ESRRG: variants seen among roughly 807,000 people sequenced by gnomAD.
ESRRG encodes the protein estrogen related receptor gamma, also known as estrogen-related receptor gamma.
ESRRG carries 13 observed loss-of-function variants against 44.0 expected under a neutral mutation model. The ratio of observed to expected loss-of-function variants is 0.30; its 90% CI spans 0.19 to 0.47. ESRRG has a LOEUF of 0.47. Ranked by LOEUF, ESRRG falls within the 20% of genes least tolerant of loss-of-function variation. The pLI is 1.00. For missense variants in ESRRG, 395 were observed against 580.6 expected, an observed-to-expected ratio of 0.68 and a Z score of 3.29; for synonymous variants, 215 against 214.6, an observed-to-expected ratio of 1.00 and a Z score of -0.02.
At chr1:216,971,101 G>A (rs1192890583) in intron 1 of ESRRG, among the ~76,000 whole-genome samples, 1 of 152,114 alleles carries the variant, frequency 6.6e-6, no homozygotes, top group African/African-American at 2.4e-5. Context: ...ATAGTTATCT[G>A]CTCCATTATA....
At chr1:217,130,409 T>C (rs1312127293) in intron 1 of ESRRG, among the ~76,000 whole-genome samples, 1 of 152,148 alleles carries the variant, frequency 6.6e-6, no homozygotes, top group African/African-American at 2.4e-5. Flanking sequence ...ATTTTTCTTT[T>C]TCTTTTTTTA....
intron 1 of ESRRG, among the ~76,000 whole-genome samples, chr1:217,105,163 C>A (rs1377858432): frequency 1.3e-5 from 2 of 152,186 alleles, no homozygotes. Context: ...ATGTCATGAT[C>A]ACCCTTCCTT....
upstream of ESRRG, among the ~76,000 whole-genome samples, chr1:216,725,666 T>G (rs904422954): frequency 3.5e-4 from 53 of 152,122 alleles, no homozygotes; most frequent in African/African-American, 1.2e-3. Context: ...ATTAATAGAT[T>G]CAATTGCACA....
intron 2 of ESRRG, among the ~76,000 whole-genome samples, chr1:216,732,433 G>C (rs895492387): frequency 3.7e-4 from 55 of 150,674 alleles, no homozygotes; most frequent in Admixed American, 3.6e-3. Flanking sequence ...CTGGTGTGCA[G>C]TGGCACAATC....
chr1:216,762,256 G>A (rs1347162814), intron 2 of ESRRG, among the ~76,000 whole-genome samples: 6 of 151,854 alleles, frequency 4.0e-5, no homozygotes, highest in East Asian at 3.9e-4. Context: ...ACATGCACAC[G>A]TATGTTTATT....
chr1:216,798,976 A>T (rs2094544452), intron 2 of ESRRG, among the ~76,000 whole-genome samples: 1 of 152,126 alleles, frequency 6.6e-6, no homozygotes, highest in Non-Finnish European at 1.5e-5. Flanking sequence ...TCAGCTGGAG[A>T]ATCAATCCCC....
intron 2 of ESRRG, among the ~76,000 whole-genome samples, chr1:216,930,058 C>G (rs1267581593): frequency 6.6e-6 from 1 of 152,184 alleles, no homozygotes; most frequent in Non-Finnish European, 1.5e-5. Flanking sequence ...CACCACTGTC[C>G]TCACCTCATG....
intron 1 of ESRRG, among the ~76,000 whole-genome samples, chr1:217,062,121 C>T (rs1311208006): frequency 2.0e-5 from 3 of 152,026 alleles, no homozygotes; most frequent in African/African-American, 7.2e-5. Context: ...AATCTCAAGC[C>T]CAAGTTAAGT....
intron 1 of ESRRG, among the ~76,000 whole-genome samples, chr1:216,958,083 G>T (rs992081767): frequency 2.6e-5 from 4 of 152,140 alleles, no homozygotes; most frequent in African/African-American, 9.7e-5. Context: ...TAACATTTAT[G>T]AGATTCATCT....
chr1:216,797,357 C>T (rs1189715809), intron 2 of ESRRG, among the ~76,000 whole-genome samples: 1 of 152,152 alleles, frequency 6.6e-6, no homozygotes, highest in African/African-American at 2.4e-5. Context: ...TCATGTTACA[C>T]TGAGCTGCTG....
chr1:216,808,073 C>T (rs1055932744), intron 2 of ESRRG, among the ~76,000 whole-genome samples: 1 of 152,104 alleles, frequency 6.6e-6, no homozygotes, highest in Non-Finnish European at 1.5e-5. Context: ...ACTTAACCTC[C>T]GTTCCAGTGT....
At chr1:217,082,023 C>T (rs968948475) in intron 1 of ESRRG, among the ~76,000 whole-genome samples, 3 of 152,186 alleles carry the variant, frequency 2.0e-5, no homozygotes, top group Non-Finnish European at 2.9e-5. Flanking sequence ...TAAATATGCT[C>T]AAGCACTGGC....
At chr1:217,069,785 G>A (rs2090324120) in intron 1 of ESRRG, among the ~76,000 whole-genome samples, 1 of 152,142 alleles carries the variant, frequency 6.6e-6, no homozygotes, top group Admixed American at 6.5e-5. Context: ...ACACCATAGT[G>A]TCTGGTGGAC....
chr1:216,682,293 A>C (rs79679690), intron 1 of ESRRG, among the ~76,000 whole-genome samples: 2,094 of 152,314 alleles, frequency 0.014, 46 homozygotes, highest in African/African-American at 0.048. Flanking sequence ...TACTATATCT[A>C]TACCAATAGT....
chr1:216,840,128 C>T (rs1341392900), intron 2 of ESRRG, among the ~76,000 whole-genome samples: 4 of 152,172 alleles, frequency 2.6e-5, no homozygotes, highest in Non-Finnish European at 5.9e-5. Flanking sequence ...CAATAGAAGG[C>T]TGTTTCATCT....
chr1:216,757,862 T>C (rs746760446), intron 2 of ESRRG, among the ~76,000 whole-genome samples: 17 of 152,046 alleles, frequency 1.1e-4, no homozygotes, highest in Non-Finnish European at 2.4e-4. Flanking sequence ...TTCAAATACA[T>C]TGAAAAGTAA....
At chr1:216,926,083 C>A (rs925077349) in intron 2 of ESRRG, among the ~76,000 whole-genome samples, 1 of 152,226 alleles carries the variant, frequency 6.6e-6, no homozygotes, top group African/African-American at 2.4e-5. Flanking sequence ...TGGTACAGAT[C>A]TGCAAGCAAA....
intron 3 of ESRRG, among the ~76,000 whole-genome samples, chr1:216,635,809 C>T (rs895341338): frequency 6.7e-6 from 1 of 150,128 alleles, no homozygotes; most frequent in Non-Finnish European, 1.5e-5. Context: ...GTGAAGACAA[C>T]CTAAGCCTGC....
intron 1 of ESRRG, among the ~76,000 whole-genome samples, chr1:216,706,491 A>G (rs2082478597): frequency 6.6e-6 from 1 of 152,098 alleles, no homozygotes; most frequent in South Asian, 2.1e-4. Context: ...TTCTGGTGTC[A>G]TTTCTAAAAG....
Sources: gnomAD v4.1 joint callset for allele counts (sites outside exome capture counted in the v4.1 genomes callset) on GRCh38, gnomAD v4.1.1 for gene constraint, MANE v1.5 for transcripts, NCBI Gene and HGNC (gene_info 2026-07-23, HGNC 2026-07-21) for gene names.